The following F13A1 variants were observed in gnomAD, a reference collection of about 807,000 sequenced individuals.
F13A1 encodes coagulation factor XIII A chain, also known as FSF, A subunit.
In F13A1, 47 loss-of-function variants were observed where a neutral mutation model predicts 80.1. That is an observed-to-expected ratio of 0.59 (90% CI 0.46 to 0.75). The LOEUF (loss-of-function observed/expected upper bound fraction) is 0.75. Ranked by LOEUF, F13A1 falls within the 30% of genes least tolerant of loss-of-function variation. The pLI is 0.00. For synonymous variants in F13A1, 349 were observed against 344.9 expected (o/e 1.01, Z -0.13); for missense variants, 817 against 930.4 (o/e 0.88, Z 1.59).
At chr6:6,199,831 CT>C (rs1761360663) in intron 8 of F13A1, among the ~76,000 whole-genome samples, 1 of 152,204 alleles carries the variant, frequency 6.6e-6, no homozygotes, top group African/African-American at 2.4e-5. Flanking sequence ...TCCCCCACCC[CT>C]GAAGAACTGC....
At chr6:6,290,655 A>G (rs1166261092) in intron 3 of F13A1, among the ~76,000 whole-genome samples, 1 of 152,198 alleles carries the variant, frequency 6.6e-6, no homozygotes, top group East Asian at 1.9e-4. Context: ...CTCACATGAC[A>G]GGTGTTCATA....
Position 6,250,752 on chromosome 6 carries a change from T to C in F13A1, c.690+59A>G. 6 of 1,121,164 alleles carry C rather than the reference T, an allele frequency of 5.4e-6. No individual in the cohort carries two copies. The highest frequency in any genetic ancestry group is 6.8e-6 in the Non-Finnish European group (5 of 733,498). 69.5% of individuals were successfully genotyped at this position (1,121,164 alleles called of 1,614,324 possible). A position where few individuals can be genotyped will look rare whatever the true frequency, so the allele number is the denominator to read the frequency against. On this transcript the variant is annotated intron_variant, in intron 5 of 14. Transcript: ENST00000264870. The surrounding 1 kb of genome is among the most constrained non-coding windows in gnomAD (Gnocchi z 4.2). ...ATATATGGGATCCTGTAGGGATACA[T>C]GTGACAAAAAATATGAAGTAAAAAT...
intron 6 of F13A1, among the ~76,000 whole-genome samples, chr6:6,244,626 C>A (rs897610755): frequency 4.6e-5 from 7 of 152,058 alleles, no homozygotes; most frequent in Non-Finnish European, 8.8e-5. Flanking sequence ...AGGGAAGTTA[C>A]TGAATGTATA....
At chr6:6,233,271 A>G (rs578240994) in intron 6 of F13A1, among the ~76,000 whole-genome samples, 1 of 152,260 alleles carries the variant, frequency 6.6e-6, no homozygotes, top group East Asian at 1.9e-4. Context: ...GAGATATTAC[A>G]ACTGACACCA....
chr6:6,205,510 A>G (rs1350054882), intron 8 of F13A1, among the ~76,000 whole-genome samples: 1 of 152,226 alleles, frequency 6.6e-6, no homozygotes, highest in African/African-American at 2.4e-5. Context: ...CAAAGTCTTT[A>G]GGGAGTGAGT....
At chr6:6,170,499 A>AG (rs1483857617) in intron 12 of F13A1, among the ~76,000 whole-genome samples, 1 of 152,210 alleles carries the variant, frequency 6.6e-6, no homozygotes, top group Non-Finnish European at 1.5e-5. Flanking sequence ...CAGGAGAAGG[A>AG]GGAATAGGTT....
At chr6:6,319,523 C>A (rs182457880) in intron 1 of F13A1, among the ~76,000 whole-genome samples, 1 of 152,326 alleles carries the variant, frequency 6.6e-6, no homozygotes, top group Non-Finnish European at 1.5e-5. Flanking sequence ...ACACACCTGA[C>A]GGTCAGTGCC....
intron 8 of F13A1, among the ~76,000 whole-genome samples, chr6:6,213,224 T>G (rs140884496): frequency 0.11 from 16,441 of 151,486 alleles, 1,068 homozygotes; most frequent in Middle Eastern, 0.18. Flanking sequence ...AGACACATAA[T>G]TGTCAGATTC....
At chr6:6,306,339 G>C (rs1042373899) in intron 2 of F13A1, among the ~76,000 whole-genome samples, 2 of 152,204 alleles carry the variant, frequency 1.3e-5, no homozygotes, top group African/African-American at 2.4e-5. Flanking sequence ...TTTCTTAGTT[G>C]TCTAACTTTG....
intron 10 of F13A1, among the ~76,000 whole-genome samples, chr6:6,185,037 C>T (rs949049636): frequency 6.6e-6 from 1 of 152,054 alleles, no homozygotes; most frequent in Non-Finnish European, 1.5e-5. Context: ...TCAATTGACG[C>T]TCTATGGTAG....
intron 3 of F13A1, among the ~76,000 whole-genome samples, chr6:6,297,474 G>C (rs1447930842): frequency 6.6e-6 from 1 of 151,122 alleles, no homozygotes; most frequent in Non-Finnish European, 1.5e-5. Flanking sequence ...GTTTAGTCTT[G>C]GGAGAGTGTA....
chr6:6,303,653 T>A (rs1404117266), intron 3 of F13A1, among the ~76,000 whole-genome samples: 1 of 152,208 alleles, frequency 6.6e-6, no homozygotes, highest in African/African-American at 2.4e-5. Context: ...TCCATCTAAC[T>A]GAAATTTTGT....
intron 4 of F13A1, among the ~76,000 whole-genome samples, chr6:6,257,882 CA>C (rs1340148117): frequency 6.6e-6 from 1 of 152,176 alleles, no homozygotes. Flanking sequence ...AGCAATTCTA[CA>C]AAGAAAATGT....
chr6:6,160,521 G>A (rs543464940), intron 13 of F13A1, among the ~76,000 whole-genome samples: 23 of 151,928 alleles, frequency 1.5e-4, no homozygotes, highest in African/African-American at 5.5e-4. Flanking sequence ...ATTTTTAGTA[G>A]AAACAGGGTT....
At position 6,243,935 on chromosome 6, in the gene F13A1, C is replaced by G. The variant is rs1757521154; in HGVS notation, c.798+4377G>C. Reference sequence around the variant, plus strand: ...CAGCTGCATCTCCTTGGGGGAAATTCTCTGCCCATAGTTGCTGCCAGATCC... The same window carrying G: ...CAGCTGCATCTCCTTGGGGGAAATTGTCTGCCCATAGTTGCTGCCAGATCC... On this transcript the variant is annotated intron_variant, in intron 6 of 14. Coordinates refer to ENST00000264870, the MANE Select transcript of F13A1 (RefSeq NM_000129.4). The surrounding 1 kb of genome is among the most constrained non-coding windows in gnomAD (Gnocchi z 4.2). 6.6e-6 allele frequency among the ~76,000 whole-genome samples: 1 copy of G among 152,206 alleles called. No individual in the cohort carries two copies. Among genetic ancestry groups the G allele is most frequent in the African/African-American group, 2.4e-5 (1 of 41,450 alleles).
At chr6:6,247,007 C>G (rs1757562687) in intron 6 of F13A1, among the ~76,000 whole-genome samples, 1 of 152,182 alleles carries the variant, frequency 6.6e-6, no homozygotes, top group Non-Finnish European at 1.5e-5. Context: ...GGTCATGACA[C>G]TTTGGTAAAC....
chr6:6,229,782 T>C (rs1757325966), intron 6 of F13A1, among the ~76,000 whole-genome samples: 1 of 152,196 alleles, frequency 6.6e-6, no homozygotes, highest in South Asian at 2.1e-4. Flanking sequence ...GTCCCAACTA[T>C]GCAAGTGGGA....
Position 6,174,867 on chromosome 6 carries a change from C to T in F13A1, c.1460G>A (p.Gly487Asp). The T allele has an allele frequency of 6.2e-7, 1 of 1,614,160 alleles. No individual in the cohort carries two copies. Among genetic ancestry groups the T allele is most frequent in the South Asian group, 1.1e-5 (1 of 91,072 alleles). Residue 487 changes from glycine to aspartate, a missense_variant and splice_region_variant, in exon 12 of 15, where the codon GGT (glycine) becomes GAT (aspartate). Physicochemically the swap from Gly to Asp is moderately conservative, Grantham distance 94. Coordinates refer to ENST00000264870, the MANE Select transcript of F13A1 (RefSeq NM_000129.4). ...DITDTYKFQE[G>D]QEEERLALET... ...TAGGGCCAATCTCTCTTCTTCTTGA[C>T]CTGGGGGAGATCCAGAGATAATGAC...
chr6:6,182,192 CA>C (rs755411955), intron 10 of F13A1, 51 bp from the exon 11 acceptor site: 1 of 1,605,526 alleles, frequency 6.2e-7, no homozygotes, highest in East Asian at 2.2e-5. Context: ...CTGCTGTTGC[CA>C]AAGTCTTTAA....
Sources: allele counts gnomAD v4.1 joint callset (sites outside exome capture counted in the v4.1 genomes callset), GRCh38; gene constraint gnomAD v4.1.1; non-coding constraint Gnocchi (gnomAD v3.1); transcripts MANE v1.5; gene names NCBI Gene and HGNC (gene_info 2026-07-23, HGNC 2026-07-21).